The following CDCA7 variants were observed in gnomAD, a reference collection of about 807,000 sequenced individuals.
CDCA7 encodes the protein cell division cycle-associated protein 7.
CDCA7 carries 28 observed loss-of-function variants against 54.0 expected under a neutral mutation model. The observed-to-expected ratio is 0.52, with a 90% CI of 0.38 to 0.71. The LOEUF (loss-of-function observed/expected upper bound fraction) is 0.71, where lower values mean the gene tolerates loss of function less well. Ranked by LOEUF, CDCA7 falls within the 30% of genes least tolerant of loss-of-function variation. The pLI is 0.00. For missense variants in CDCA7, 484 were observed against 586.0 expected, an observed-to-expected ratio of 0.83 and a Z score of 1.80; for synonymous variants, 180 against 208.2, an observed-to-expected ratio of 0.86 and a Z score of 1.16.
intron 1 of CDCA7, 21 bp from the exon 2 acceptor site, chr2:173,358,691 G>A: frequency 6.2e-7 from 1 of 1,610,350 alleles, no homozygotes; most frequent in Non-Finnish European, 8.5e-7. Context: ...CGCTTAATAG[G>A]ATTGCTATTT....
rs72899215 is a variant in CDCA7 at position 173,366,246 on chromosome 2, G to T, written c.1036-37G>T. 219,317 of 1,471,272 alleles carry T rather than the reference G, an allele frequency of 0.15. 16,190 individuals carry two copies. The highest frequency in any genetic ancestry group is 0.21 in the Admixed American group (9,130 of 42,630). 91.1% of individuals were successfully genotyped at this position (1,471,272 alleles called of 1,614,324 possible). A position where few individuals can be genotyped will look rare whatever the true frequency, so the allele number is the denominator to read the frequency against. ...CCATTTCCTCTGTTGAAAAACAGTG[G>T]TTTTTTTTGTTTTTTTTCTTAATGG... On this transcript the variant is annotated intron_variant, in intron 7 of 9. Transcript: ENST00000306721. This position sits in a 1 kb window ranked among gnomAD's most constrained non-coding sequence, Gnocchi z 4.5.
Position 173,366,782 on chromosome 2 carries a change from G to T in CDCA7, c.1185+350G>T, listed in dbSNP as rs1574222180. On this transcript the variant is annotated intron_variant, in intron 8 of 9. Transcript: ENST00000306721. This position sits in a 1 kb window ranked among gnomAD's most constrained non-coding sequence, Gnocchi z 4.5. ...TGGTGGTACAAGATCTCTTGACCTC[G>T]TGATCCACCCGCCTCGGCCTCCTGA... 6.6e-6 allele frequency among the ~76,000 whole-genome samples: 1 copy of T among 152,092 alleles called. No homozygotes were observed. Among genetic ancestry groups the T allele is most frequent in the African/African-American group, 2.4e-5 (1 of 41,432 alleles).
In CDCA7 at chr2:173,366,730, G is replaced by A. The variant is rs560628455; in HGVS notation, c.1185+298G>A. 3.5e-4 allele frequency among the ~76,000 whole-genome samples: 53 copies of A among 152,248 alleles called. 1 individual carries two copies. In the South Asian group the frequency reaches 0.01, roughly 29 times the overall value. On this transcript the variant is annotated intron_variant, in intron 8 of 9. Transcript: ENST00000306721. This position sits in a 1 kb window ranked among gnomAD's most constrained non-coding sequence, Gnocchi z 4.5. Reference sequence around the variant, plus strand: ...ATTTTTGTATTTTTAGTAGAGACGGGGTTTCACCACATTGGCCAGGATGGT... The same window carrying A: ...ATTTTTGTATTTTTAGTAGAGACGGAGTTTCACCACATTGGCCAGGATGGT...
At chr2:173,365,374 G>T in intron 6 of CDCA7, 78 bp from the exon 7 acceptor site, 1 of 1,473,918 alleles carries the variant, frequency 6.8e-7, no homozygotes. Flanking sequence ...TTTCATATTT[G>T]AATCTGTTTT....
At position 173,363,259 on chromosome 2, in the gene CDCA7, C is replaced by T. The variant is rs540443413; in HGVS notation, c.418C>T (p.Arg140Cys). ...GTCAGTTCGGGAAGGCTGTAGGACC[C>T]GCAGCCAGTGCAGGCACTCTGGACC... ...LQSVREGCRT[R>C]SQCRHSGPLR... The change falls in exon 4 of 10, where the codon CGC becomes TGC. Residue 140 changes from arginine (R) to cysteine (C), a missense_variant. Physicochemically the swap from Arg to Cys is radical, Grantham distance 180 (BLOSUM62 -3). Around this residue, in one of 3 missense-constraint regions of CDCA7, gnomAD observed 398 missense variants for 447.4 expected, o/e 0.89. Coordinates refer to ENST00000306721, the MANE Select transcript of CDCA7 (RefSeq NM_031942.5). The T allele has an allele frequency of 2.5e-6, 4 of 1,614,100 alleles. No individual in the cohort carries two copies. Among genetic ancestry groups the T allele is most frequent in the Non-Finnish European group, 3.4e-6 (4 of 1,180,020 alleles).
Position 173,367,918 on chromosome 2 carries a change from C to T in CDCA7, c.*254C>T, listed in dbSNP as rs1322917893. Reference sequence around the variant, plus strand: ...ACAGCATCCCCCTCTATTTCCAATGCTCCTCTCCAACCGCTTAGTTTCTGA... The same window carrying T: ...ACAGCATCCCCCTCTATTTCCAATGTTCCTCTCCAACCGCTTAGTTTCTGA... On this transcript the variant is annotated 3_prime_UTR_variant, in exon 10 of 10. Coordinates refer to ENST00000306721, the MANE Select transcript of CDCA7 (RefSeq NM_031942.5). 2 of 541,968 alleles carry T rather than the reference C, an allele frequency of 3.7e-6. No individual in the cohort carries two copies. Among genetic ancestry groups the T allele is most frequent in the Middle Eastern group, 4.8e-4 (1 of 2,082 alleles). The allele number at this position is 541,968 out of a possible 1,614,324, so 33.6% of individuals were successfully genotyped here. A position where few individuals can be genotyped will look rare whatever the true frequency, so the allele number is the denominator to read the frequency against.
In CDCA7 at chr2:173,366,709, T is replaced by C. The variant is rs1335626457; in HGVS notation, c.1185+277T>C. Among the ~76,000 whole-genome samples the C allele has an allele frequency of 6.6e-6, 1 of 152,164 alleles. No individual in the cohort carries two copies. The highest frequency in any genetic ancestry group is 1.5e-5 in the Non-Finnish European group (1 of 68,030). On this transcript the variant is annotated intron_variant, in intron 8 of 9. Transcript: ENST00000306721. The surrounding 1 kb of genome is among the most constrained non-coding windows in gnomAD (Gnocchi z 4.5). The stretch of plus-strand genomic sequence containing the variant: ...ACGCGCCACCACACCTAGCTAATTT[T>C]TGTATTTTTAGTAGAGACGGGGTTT...
In CDCA7 at chr2:173,359,358, A is replaced by T; in HGVS notation, c.251A>T (p.Asp84Val). 6.2e-7 allele frequency: 1 copy of T among 1,614,218 alleles called. No individual in the cohort carries two copies. The highest frequency in any genetic ancestry group is 8.5e-7 in the Non-Finnish European group (1 of 1,180,034). The stretch of plus-strand genomic sequence containing the variant: ...GGCTTTTCAGAAAGTGAGGTGCAAG[A>T]TGTATTAGACCATTGTGGATTTTTA... ...FCGFSESEVQ[D>V]VLDHCGFLQK... is the part of the protein sequence containing the mutation. Residue 84 changes from aspartate to valine, a missense_variant, in exon 3 of 10, where the codon GAT (aspartate) becomes GTT (valine). By Grantham distance (152) the Asp-to-Val change is radical. Transcript: ENST00000306721.
chr2:173,365,737 T>G, intron 7 of CDCA7, 145 bp downstream of exon 7: 1 of 888,824 alleles, frequency 1.1e-6, no homozygotes, highest in Non-Finnish European at 1.6e-6. Context: ...AGGAAAAGTT[T>G]TACAGTATCC....
rs567492256 is a variant in CDCA7 at position 173,364,777 on chromosome 2, T to C, written c.700-18T>C. The C allele has an allele frequency of 6.3e-7, 1 of 1,588,062 alleles. No homozygotes were observed. Among genetic ancestry groups the C allele is most frequent in the South Asian group, 1.2e-5 (1 of 85,510 alleles). ...TTATTATGGAATAAATGGATTCCCTTATACGTGCTTTGTTTAGCAATCAAG... is the reference window on the plus strand; with the variant it reads ...TTATTATGGAATAAATGGATTCCCTCATACGTGCTTTGTTTAGCAATCAAG... On this transcript the variant is annotated intron_variant, in intron 5 of 9. Coordinates refer to ENST00000306721, the MANE Select transcript of CDCA7 (RefSeq NM_031942.5).
intron 9 of CDCA7, 139 bp from the exon 10 acceptor site, chr2:173,367,495 A>G: frequency 1.6e-6 from 2 of 1,285,726 alleles, no homozygotes; most frequent in Admixed American, 1.8e-5. Context: ...AAGTCAGGTA[A>G]TATACTTGAA....
At position 173,359,302 on chromosome 2, in the gene CDCA7, T is replaced by C. The variant is rs766590861; in HGVS notation, c.195T>C (p.Phe65=). The change falls in exon 3 of 10, where the codon TTT becomes TTC. Residue 65 remains phenylalanine (F), a synonymous_variant. Coordinates refer to ENST00000306721, the MANE Select transcript of CDCA7 (RefSeq NM_031942.5). ...SDISEELANV[F]YEDSDNESFC... ...TCAGTGAAGAACTGGCAAATGTTTT[T>C]TATGAGGACTCTGATAATGAATCTT... is the stretch of plus-strand genomic sequence containing the variant. The C allele has an allele frequency of 6.2e-7, 1 of 1,614,236 alleles. No homozygotes were observed.
rs1221241901 is a variant in CDCA7, at chr2:173,363,403, G to A, written c.562G>A (p.Glu188Lys). Reference protein sequence around the residue: ...VTDSNSDSEDESGMNFLEKRA... With the variant: ...VTDSNSDSEDKSGMNFLEKRA... ...TGATTCCAACTCCGATTCAGAAGAT[G>A]AAAGTGGAATGAATTTTTTGGAGAA... is the stretch of plus-strand genomic sequence containing the variant. The change falls in exon 4 of 10, where the codon GAA (glutamate) becomes AAA (lysine). Residue 188 changes from glutamate (E) to lysine (K), a missense_variant. Glu to Lys is a moderately conservative substitution (Grantham distance 56). Transcript: ENST00000306721. 2 of 1,614,194 alleles carry A rather than the reference G, an allele frequency of 1.2e-6. No homozygotes were observed. Among genetic ancestry groups the A allele is most frequent in the Admixed American group, 1.7e-5 (1 of 60,022 alleles).
intron 9 of CDCA7, 70 bp from the exon 10 acceptor site, chr2:173,367,564 A>G (rs1255914508): frequency 1.5e-5 from 23 of 1,572,322 alleles, no homozygotes. Flanking sequence ...TTAAAAATGA[A>G]TTAGGCTTTC....
chr2:173,355,049 G>T, intron 1 of CDCA7, 65 bp downstream of exon 1: 1 of 1,286,066 alleles, frequency 7.8e-7, no homozygotes, highest in Non-Finnish European at 9.8e-7. Flanking sequence ...GCGGGCGCGG[G>T]CCGACCCTCT....
rs980438913 is a variant in CDCA7, at chr2:173,367,807, A to G, written c.*143A>G. 2.9e-5 allele frequency: 26 copies of G among 911,832 alleles called. No individual in the cohort carries two copies. In the Admixed American group the frequency reaches 4.7e-4, roughly 16 times the overall value. The allele number at this position is 911,832 out of a possible 1,614,324, so 56.5% of individuals were successfully genotyped here. On this transcript the variant is annotated 3_prime_UTR_variant, in exon 10 of 10. Coordinates refer to ENST00000306721, the MANE Select transcript of CDCA7 (RefSeq NM_031942.5). ...TCCAATCAAGTTAATCTTAGCAGAC[A>G]TGTGTTTCTGGAGCATCACAGAAGG...
At chr2:173,361,009 A>G (rs1686610684) in intron 3 of CDCA7, among the ~76,000 whole-genome samples, 1 of 152,152 alleles carries the variant, frequency 6.6e-6, no homozygotes, top group Non-Finnish European at 1.5e-5. Flanking sequence ...GTCGTCATAG[A>G]TTAGCCCGTT....
intron 1 of CDCA7, chr2:173,356,350 T>G (rs1686504781): frequency 1.3e-5 from 2 of 150,120 alleles, no homozygotes; most frequent in African/African-American, 4.9e-5. Flanking sequence ...GGCCTCTGAC[T>G]GCTTGCAGGT....
chr2:173,355,946 G>A (rs1465488121), intron 1 of CDCA7, among the ~76,000 whole-genome samples: 1 of 152,180 alleles, frequency 6.6e-6, no homozygotes, highest in Non-Finnish European at 1.5e-5. Context: ...AGAAAACCAT[G>A]TGTAGCTGGT....
Sources: gnomAD v4.1 joint callset for allele counts (sites outside exome capture counted in the v4.1 genomes callset) on GRCh38, gnomAD v4.1.1 for gene constraint, gnomAD v4.1.1 regional missense constraint, Gnocchi (gnomAD v3.1) non-coding constraint, MANE v1.5 for transcripts, NCBI Gene and HGNC (gene_info 2026-07-23, HGNC 2026-07-21) for gene names.